Variants in MAPK14 observed in about 807,000 individuals in gnomAD.
MAPK14 encodes the protein mitogen-activated protein kinase 14, also known as CSAID-binding protein.
In MAPK14, 16 loss-of-function variants were observed where a neutral mutation model predicts 49.6. That is an observed-to-expected ratio of 0.32 (90% confidence interval 0.22 to 0.49). The LOEUF (loss-of-function observed/expected upper bound fraction) is 0.49. Among genes scored for constraint, MAPK14 ranks in the 20% least tolerant of loss-of-function variants. MAPK14 has a pLI of 0.99. For missense variants in MAPK14, 200 were observed against 441.2 expected (o/e 0.45, Z 4.90); for synonymous variants, 142 against 158.0 (o/e 0.90, Z 0.76).
At chr6:36,093,483 G>T (rs1389206617) in intron 8 of MAPK14, among the ~76,000 whole-genome samples, 6 of 152,146 alleles carry the variant, frequency 3.9e-5, no homozygotes, top group Non-Finnish European at 8.8e-5. Flanking sequence ...CCTTTGGGAG[G>T]CCGAGGCAGG....
chr6:36,089,057 T>C (rs1327461084), intron 8 of MAPK14, among the ~76,000 whole-genome samples: 1 of 152,208 alleles, frequency 6.6e-6, no homozygotes, highest in Non-Finnish European at 1.5e-5. Context: ...TTACTGGGTA[T>C]ATACCCAAAG....
chr6:36,027,841 G>C lies in MAPK14; in HGVS notation c.-317G>C. ...CTTAGCGGGCGCAGCAGCTGGAACG[G>C]GAGTACTGCGACGCAGCCCGGAGTC... On this transcript the variant is annotated 5_prime_UTR_variant, in exon 1 of 12. Coordinates refer to ENST00000229794, the MANE Select transcript of MAPK14 (RefSeq NM_139012.3). 2.5e-6 allele frequency: 1 copy of C among 402,058 alleles called. No individual in the cohort carries two copies. The highest frequency in any genetic ancestry group is 3.6e-5 in the East Asian group (1 of 28,074). The allele number at this position is 402,058 out of a possible 1,614,324, so 24.9% of individuals were successfully genotyped here.
intron 6 of MAPK14, among the ~76,000 whole-genome samples, chr6:36,074,504 T>G (rs1764439590): frequency 6.6e-6 from 1 of 152,242 alleles, no homozygotes; most frequent in African/African-American, 2.4e-5. Context: ...CTAGAACTTT[T>G]GTTCCATTTC....
Position 36,109,386 on chromosome 6 carries a change from G to A in MAPK14, c.*939G>A, listed in dbSNP as rs199784660. On this transcript the variant is annotated 3_prime_UTR_variant, in exon 12 of 12. Coordinates refer to ENST00000229794, the MANE Select transcript of MAPK14 (RefSeq NM_139012.3). ...AGCAGAGTGAGGATGTGTTTTGCAC[G>A]TCTTGCTATTTGAGCATGCACAGCT... The A allele has an allele frequency of 6.6e-6, 1 of 152,654 alleles. No homozygotes were observed. The allele number at this position is 152,654 out of a possible 1,614,324, so 9.5% of individuals were successfully genotyped here. A position where few individuals can be genotyped will look rare whatever the true frequency, so the allele number is the denominator to read the frequency against.
chr6:36,118,484 G>A, the MAPK14 span, among the ~76,000 whole-genome samples: 97 of 152,206 alleles, frequency 6.4e-4, no homozygotes, highest in Middle Eastern at 6.8e-3. Context: ...TTTCTGGGCC[G>A]GTGCACCTTT....
chr6:36,081,645 T>G (rs1289353527), intron 8 of MAPK14, among the ~76,000 whole-genome samples: 3 of 152,210 alleles, frequency 2.0e-5, no homozygotes, highest in Admixed American at 2.0e-4. Context: ...CACTGTAGCT[T>G]TATAGTAAGC....
intron 5 of MAPK14, 62 bp from the exon 6 acceptor site, chr6:36,073,987 T>G: frequency 4.1e-6 from 5 of 1,214,412 alleles, no homozygotes; most frequent in Non-Finnish European, 6.1e-6. Context: ...TTATTACCTG[T>G]AGGGGGAGAA....
rs2127477874 is a variant in MAPK14, at chr6:36,108,762, A to T, written c.*315A>T. 2.8e-6 allele frequency: 1 copy of T among 351,676 alleles called. No homozygotes were observed. The highest frequency in any genetic ancestry group is 5.4e-6 in the Non-Finnish European group (1 of 185,696). 21.8% of individuals were successfully genotyped at this position (351,676 alleles called of 1,614,324 possible). A position where few individuals can be genotyped will look rare whatever the true frequency, so the allele number is the denominator to read the frequency against. On this transcript the variant is annotated 3_prime_UTR_variant, in exon 12 of 12. Transcript: ENST00000229794. ...CAAGAGCTGCTGTCCTTTTAGGAAT[A>T]TGTTCAATGCAAAGTAAAAAAATAT...
intron 6 of MAPK14, among the ~76,000 whole-genome samples, chr6:36,074,806 G>A (rs776250049): frequency 6.6e-6 from 1 of 151,702 alleles, no homozygotes; most frequent in Non-Finnish European, 1.5e-5. Flanking sequence ...AGTAGAGATG[G>A]GATTTCACCA....
At chr6:36,120,503 T>C in the MAPK14 span, among the ~76,000 whole-genome samples, 1 of 151,962 alleles carries the variant, frequency 6.6e-6, no homozygotes, top group Non-Finnish European at 1.5e-5. Context: ...TGTTTCCTTT[T>C]CCTCTTCCCC....
At chr6:36,034,195 C>T (rs1294798383) in intron 1 of MAPK14, among the ~76,000 whole-genome samples, 1 of 152,148 alleles carries the variant, frequency 6.6e-6, no homozygotes, top group East Asian at 1.9e-4. Flanking sequence ...AATGACTTAA[C>T]CCATTTAACC....
At chr6:36,104,055 G>C (rs1260475238) in intron 10 of MAPK14, among the ~76,000 whole-genome samples, 1 of 152,196 alleles carries the variant, frequency 6.6e-6, no homozygotes, top group East Asian at 1.9e-4. Flanking sequence ...ATTATGGAGA[G>C]GAATTTTAGT....
At chr6:36,091,376 T>G (rs1765222157) in intron 8 of MAPK14, among the ~76,000 whole-genome samples, 1 of 152,258 alleles carries the variant, frequency 6.6e-6, no homozygotes. Context: ...AGGAGATTTA[T>G]GATTTAAATT....
chr6:36,031,721 T>G (rs1438281177), intron 1 of MAPK14, among the ~76,000 whole-genome samples: 1 of 152,060 alleles, frequency 6.6e-6, no homozygotes, highest in Non-Finnish European at 1.5e-5. Flanking sequence ...CTTCATTTTT[T>G]TGAGAGCAGA....
intron 8 of MAPK14, among the ~76,000 whole-genome samples, chr6:36,084,657 T>G (rs1197690398): frequency 6.6e-6 from 1 of 152,156 alleles, no homozygotes; most frequent in South Asian, 2.1e-4. Context: ...ACAAAACTTT[T>G]GAGAACTATG....
At chr6:36,118,886 C>A in the MAPK14 span, among the ~76,000 whole-genome samples, 1 of 152,084 alleles carries the variant, frequency 6.6e-6, no homozygotes, top group Non-Finnish European at 1.5e-5. Context: ...CCAACCAGTC[C>A]TCTCCCCAGC....
intron 8 of MAPK14, among the ~76,000 whole-genome samples, chr6:36,090,519 C>T (rs1765179381): frequency 6.9e-6 from 1 of 144,168 alleles, no homozygotes; most frequent in Non-Finnish European, 1.5e-5. Flanking sequence ...AATATTCTCC[C>T]TCTCTCTCTT....
At chr6:36,076,095 A>G (rs995780827) in intron 7 of MAPK14, 133 bp downstream of exon 7, 4 of 919,858 alleles carry the variant, frequency 4.3e-6, no homozygotes, top group Non-Finnish European at 6.5e-6. Flanking sequence ...AAAGCCTGCA[A>G]GTAAAAATAT....
intron 8 of MAPK14, among the ~76,000 whole-genome samples, chr6:36,078,956 G>A (rs1004312827): frequency 1.3e-5 from 2 of 152,202 alleles, no homozygotes; most frequent in African/African-American, 4.8e-5. Context: ...AAAAACTCTA[G>A]ATGCCTGGGG....
Sources: gnomAD v4.1 joint callset for allele counts (sites outside exome capture counted in the v4.1 genomes callset) on GRCh38, gnomAD v4.1.1 for gene constraint, MANE v1.5 for transcripts, NCBI Gene and HGNC (gene_info 2026-07-23, HGNC 2026-07-21) for gene names.